PLCB1: variants seen among roughly 807,000 people sequenced by gnomAD.
The protein encoded by PLCB1 is 1-phosphatidylinositol 4,5-bisphosphate phosphodiesterase beta-1.
PLCB1 carries 46 observed loss-of-function variants against 161.8 expected under a neutral mutation model. The ratio of observed to expected loss-of-function variants is 0.28; its 90% CI spans 0.22 to 0.36. The LOEUF (loss-of-function observed/expected upper bound fraction) is 0.36. PLCB1 is among the 10% of genes least tolerant of loss of function. The probability of loss-of-function intolerance (pLI) is 1.00; values close to 1 mark genes in which losing one functional copy is unlikely to be tolerated. For synonymous variants in PLCB1, 517 were observed against 503.7 expected, an observed-to-expected ratio of 1.03 and a Z score of -0.35; for missense variants, 1,016 against 1,472.5, an observed-to-expected ratio of 0.69 and a Z score of 5.07.
Position 8,825,764 on chromosome 20 carries a change from G to A in PLCB1, c.3423+35503G>A, listed in dbSNP as rs117040061. On this transcript the variant is annotated intron_variant, in intron 31 of 31. Transcript: ENST00000338037. ...AAATTAAAGGGTAGAAGGGGCAAGCGGGTTGCAAAAGATTAGCTAGGGATA... is the reference window on the plus strand; with the variant it reads ...AAATTAAAGGGTAGAAGGGGCAAGCAGGTTGCAAAAGATTAGCTAGGGATA... Among the ~76,000 whole-genome samples, 1,260 of 152,256 alleles carry A rather than the reference G, an allele frequency of 8.3e-3. 12 individuals carry two copies. The highest frequency in any genetic ancestry group is 0.013 in the Non-Finnish European group (862 of 68,018).
chr20:8,139,081 G>GTTGT (rs2051376480), intron 1 of PLCB1, among the ~76,000 whole-genome samples: 2 of 91,628 alleles, frequency 2.2e-5, no homozygotes, highest in Non-Finnish European at 3.9e-5. Context: ...TATTTCAAGG[G>GTTGT]TTTTTTTTTT....
rs1009099643 is a variant in PLCB1, at chr20:8,585,381, T to G, written c.247-42913T>G. 5.7e-4 allele frequency among the ~76,000 whole-genome samples: 87 copies of G among 152,178 alleles called. 1 individual carries two copies. Among genetic ancestry groups the G allele is most frequent in the African/African-American group, 2.0e-3 (81 of 41,456 alleles). ...TCACTGACCCTTAATTGTGCACAGC[T>G]CAGAAGAGGTCACAGTTTGGCTCAG... On this transcript the variant is annotated intron_variant, in intron 3 of 31. Coordinates refer to ENST00000338037, the MANE Select transcript of PLCB1 (RefSeq NM_015192.4).
chr20:8,601,623 G>C (rs949650891), intron 3 of PLCB1, among the ~76,000 whole-genome samples: 1 of 152,172 alleles, frequency 6.6e-6, no homozygotes, highest in Non-Finnish European at 1.5e-5. Context: ...CACTGACTGA[G>C]CCCTTGTGTA....
At chr20:8,563,335 C>T (rs1986207872) in intron 3 of PLCB1, among the ~76,000 whole-genome samples, 1 of 151,974 alleles carries the variant, frequency 6.6e-6, no homozygotes, top group Admixed American at 6.6e-5. Context: ...AATTTAGTTC[C>T]CATCTATAGA....
Position 8,184,375 on chromosome 20 carries a change from T to G in PLCB1, c.177+34004T>G, listed in dbSNP as rs144466084. Among the ~76,000 whole-genome samples the G allele has an allele frequency of 3.5e-3, 533 of 152,290 alleles. 2 individuals carry two copies. Among genetic ancestry groups the G allele is most frequent in the Non-Finnish European group, 4.9e-3 (336 of 68,014 alleles). ...CCCTCTAAAGTTCATAAGAAATGAT[T>G]ATGAAGAAATTGAAGTTTACATCAT... On this transcript the variant is annotated intron_variant, in intron 2 of 31. Coordinates refer to ENST00000338037, the MANE Select transcript of PLCB1 (RefSeq NM_015192.4).
chr20:8,139,903 A>G lies in PLCB1; in HGVS notation c.99+7153A>G, dbSNP rs543193352. Among the ~76,000 whole-genome samples, 6 of 152,340 alleles carry G rather than the reference A, an allele frequency of 3.9e-5. No individual in the cohort carries two copies. In the South Asian group the frequency reaches 1.0e-3, roughly 26 times the overall value. Reference sequence around the variant, plus strand: ...TGACGAACATTCTTCTTGAAAATTAATATTTCCACCAAATAAATTCATGCA... The same window carrying G: ...TGACGAACATTCTTCTTGAAAATTAGTATTTCCACCAAATAAATTCATGCA... On this transcript the variant is annotated intron_variant, in intron 1 of 31. Transcript: ENST00000338037.
chr20:8,149,070 G>T (rs2051483022), intron 1 of PLCB1, among the ~76,000 whole-genome samples: 1 of 152,148 alleles, frequency 6.6e-6, no homozygotes, highest in African/African-American at 2.4e-5. Flanking sequence ...TAAATGTTAT[G>T]TTCTGTATAT....
At chr20:8,340,797 CT>C (rs796709767) in intron 2 of PLCB1, among the ~76,000 whole-genome samples, 1 of 152,348 alleles carries the variant, frequency 6.6e-6, no homozygotes, top group African/African-American at 2.4e-5. Flanking sequence ...TACCTAAACA[CT>C]ATCATTCTGT....
chr20:8,285,317 T>C (rs2719789), intron 2 of PLCB1, among the ~76,000 whole-genome samples: 2,030 of 150,718 alleles, frequency 0.013, 43 homozygotes, highest in African/African-American at 0.045. Context: ...CATCACAGTA[T>C]CTTCAGGGCT....
chr20:8,515,184 C>A (rs1483701157), intron 3 of PLCB1, among the ~76,000 whole-genome samples: 1 of 152,144 alleles, frequency 6.6e-6, no homozygotes, highest in Non-Finnish European at 1.5e-5. Context: ...GGAAGAGCTT[C>A]CCACTACCAC....
chr20:8,357,458 C>A (rs183445540), intron 2 of PLCB1, among the ~76,000 whole-genome samples: 1 of 152,132 alleles, frequency 6.6e-6, no homozygotes, highest in African/African-American at 2.4e-5. Context: ...ACTATCTTGC[C>A]CTTGGTGAGA....
intron 3 of PLCB1, among the ~76,000 whole-genome samples, chr20:8,547,944 G>A (rs988209406): frequency 1.3e-5 from 2 of 152,060 alleles, no homozygotes; most frequent in African/African-American, 4.8e-5. Flanking sequence ...TACTGAGAAT[G>A]CTTCTCTTCT....
rs868641557 is a variant in PLCB1, at chr20:8,533,325, C to T, written c.247-94969C>T. Among the ~76,000 whole-genome samples the T allele has an allele frequency of 4.3e-4, 65 of 150,748 alleles. 1 individual carries two copies. The South Asian group carries it at 0.012, about 27-fold the overall frequency. On this transcript the variant is annotated intron_variant, in intron 3 of 31. Transcript: ENST00000338037. ...TGTGAATAATGCCGCAATAAACATA[C>T]GTGTGCATGTGTCTTTATAGCAGCA...
rs188557180 is a variant in PLCB1, at chr20:8,797,322, G to A, written c.3423+7061G>A. Among the ~76,000 whole-genome samples, 150 of 151,794 alleles carry A rather than the reference G, an allele frequency of 9.9e-4. 1 individual carries two copies. The highest frequency in any genetic ancestry group is 3.4e-3 in the African/African-American group (140 of 41,362). ...AAATATGTGTTTGAGATGGCTAGAT[G>A]GATCACTTTCCTCAGTTCTGCAAAA... On this transcript the variant is annotated intron_variant, in intron 31 of 31. Coordinates refer to ENST00000338037, the MANE Select transcript of PLCB1 (RefSeq NM_015192.4).
At chr20:8,546,939 A>G (rs1201046226) in intron 3 of PLCB1, among the ~76,000 whole-genome samples, 2 of 152,272 alleles carry the variant, frequency 1.3e-5, no homozygotes, top group East Asian at 1.9e-4. Context: ...CTGTTTCTGG[A>G]GAGCATAATT....
intron 6 of PLCB1, among the ~76,000 whole-genome samples, chr20:8,648,657 A>G (rs977725016): frequency 2.0e-5 from 3 of 152,216 alleles, no homozygotes; most frequent in African/African-American, 7.2e-5. Context: ...TACACAAATT[A>G]AGCCAAGCAC....
intron 2 of PLCB1, among the ~76,000 whole-genome samples, chr20:8,291,928 A>C (rs1415976011): frequency 6.6e-6 from 1 of 152,134 alleles, no homozygotes; most frequent in Admixed American, 6.6e-5. Flanking sequence ...TGGCTTTTGG[A>C]ATGCTTTCCA....
chr20:8,209,464 TG>T (rs1389565956), intron 2 of PLCB1, among the ~76,000 whole-genome samples: 1 of 152,144 alleles, frequency 6.6e-6, no homozygotes, highest in Non-Finnish European at 1.5e-5. Flanking sequence ...AGAAAAGAAG[TG>T]TGTAATCTTA....
chr20:8,518,191 A>G (rs1984212923), intron 3 of PLCB1, among the ~76,000 whole-genome samples: 1 of 151,998 alleles, frequency 6.6e-6, no homozygotes, highest in Non-Finnish European at 1.5e-5. Flanking sequence ...AAAAAAAAAA[A>G]AATTATCCTA....
Sources: allele counts gnomAD v4.1 joint callset (sites outside exome capture counted in the v4.1 genomes callset), GRCh38; gene constraint gnomAD v4.1.1; transcripts MANE v1.5; gene names NCBI Gene and HGNC (gene_info 2026-07-23, HGNC 2026-07-21).